The following CDK14 variants were observed in gnomAD, a reference collection of about 807,000 sequenced individuals.
The protein encoded by CDK14 is cyclin dependent kinase 14.
Under a neutral mutation model 60.7 loss-of-function variants are expected in CDK14, and 34 were observed. The ratio of observed to expected loss-of-function variants is 0.56; its 90% CI spans 0.43 to 0.75. The LOEUF is 0.75. Ranked by LOEUF, CDK14 falls within the 30% of genes least tolerant of loss-of-function variation. The pLI, the probability that CDK14 is intolerant of heterozygous loss-of-function variation, is 0.00. For synonymous variants in CDK14, 197 were observed against 203.7 expected (o/e 0.97, Z 0.28); for missense variants, 482 against 564.1 (o/e 0.85, Z 1.47).
At chr7:90,833,404 T>C in intron 5 of CDK14, among the ~76,000 whole-genome samples, 1 of 152,216 alleles carries the variant, frequency 6.6e-6, no homozygotes, top group East Asian at 1.9e-4. Context: ...AACAATCCCA[T>C]TTTTAAAGTT....
chr7:90,897,228 TAAC>T (rs144159476), intron 6 of CDK14, among the ~76,000 whole-genome samples: 108 of 152,246 alleles, frequency 7.1e-4, no homozygotes, highest in African/African-American at 2.5e-3. Context: ...GCAATATAAA[TAAC>T]AAAATATCAA....
At chr7:91,147,117 C>T (rs1341466005) in intron 14 of CDK14, among the ~76,000 whole-genome samples, 1 of 149,264 alleles carries the variant, frequency 6.7e-6, no homozygotes, top group Non-Finnish European at 1.5e-5. Flanking sequence ...TCCAACAGCC[C>T]CACCTCCACT....
chr7:91,030,983 G>C (rs944409182), intron 10 of CDK14, among the ~76,000 whole-genome samples: 5 of 152,204 alleles, frequency 3.3e-5, no homozygotes, highest in Non-Finnish European at 7.3e-5. Context: ...TGATTTCCCT[G>C]GTGGGTGCAT....
At chr7:90,738,955 G>A (rs917351958) in intron 3 of CDK14, among the ~76,000 whole-genome samples, 1 of 150,568 alleles carries the variant, frequency 6.6e-6, no homozygotes, top group African/African-American at 2.4e-5. Context: ...TAAATATTTG[G>A]CATTTGGATT....
intron 11 of CDK14, among the ~76,000 whole-genome samples, chr7:91,069,110 G>T (rs191105869): frequency 1.3e-5 from 2 of 152,226 alleles, no homozygotes; most frequent in Non-Finnish European, 2.9e-5. Context: ...TAATTGCATA[G>T]TGTTTAAAGA....
At chr7:90,927,634 C>T (rs559773318) in intron 8 of CDK14, among the ~76,000 whole-genome samples, 18 of 152,146 alleles carry the variant, frequency 1.2e-4, no homozygotes, top group African/African-American at 2.2e-4. Flanking sequence ...GGTAGGGTGC[C>T]GATTCTGCAG....
At chr7:90,945,642 G>C (rs183239401) in intron 8 of CDK14, among the ~76,000 whole-genome samples, 87 of 152,290 alleles carry the variant, frequency 5.7e-4, no homozygotes, top group African/African-American at 1.9e-3. Context: ...ATGATCATTT[G>C]GTCAGTTTGC....
chr7:90,908,460 A>T (rs1254624100), intron 7 of CDK14, among the ~76,000 whole-genome samples: 1 of 152,186 alleles, frequency 6.6e-6, no homozygotes, highest in South Asian at 2.1e-4. Context: ...AATGCAGACA[A>T]TGATTGGAAG....
chr7:90,772,034 A>T (rs1804804086), intron 4 of CDK14, among the ~76,000 whole-genome samples: 1 of 152,186 alleles, frequency 6.6e-6, no homozygotes, highest in Non-Finnish European at 1.5e-5. Flanking sequence ...GACTTTTGGG[A>T]TAGAGATTTG....
intron 10 of CDK14, among the ~76,000 whole-genome samples, chr7:91,027,329 A>T (rs961241658): frequency 6.6e-6 from 1 of 152,212 alleles, no homozygotes; most frequent in South Asian, 2.1e-4. Context: ...ACTGATTGTA[A>T]TACTGACAAT....
intron 14 of CDK14, among the ~76,000 whole-genome samples, chr7:91,180,846 TG>T (rs1801979262): frequency 6.6e-6 from 1 of 152,200 alleles, no homozygotes; most frequent in Non-Finnish European, 1.5e-5. Flanking sequence ...TTTTTTATTA[TG>T]GAAAATTTTA....
chr7:90,958,377 A>G (rs1471601537), intron 9 of CDK14, among the ~76,000 whole-genome samples: 2 of 152,158 alleles, frequency 1.3e-5, no homozygotes, highest in African/African-American at 2.4e-5. Flanking sequence ...TCAGATAATC[A>G]TACAGATCTG....
At chr7:90,737,147 C>A (rs1229203629) in intron 3 of CDK14, among the ~76,000 whole-genome samples, 2 of 152,166 alleles carry the variant, frequency 1.3e-5, no homozygotes, top group African/African-American at 4.8e-5. Context: ...TTCCTGCCAC[C>A]TCCTCTAACC....
At chr7:90,753,825 A>G (rs1803946302) in intron 4 of CDK14, among the ~76,000 whole-genome samples, 1 of 152,212 alleles carries the variant, frequency 6.6e-6, no homozygotes, top group Admixed American at 6.5e-5. Context: ...CATTATTTCT[A>G]TACACCAGCA....
intron 2 of CDK14, among the ~76,000 whole-genome samples, chr7:90,623,625 T>C (rs935050010): frequency 1.3e-5 from 2 of 152,236 alleles, no homozygotes; most frequent in East Asian, 3.8e-4. Context: ...AGGTTTTTTT[T>C]CAGTGATTTT....
At chr7:90,899,393 G>T (rs1474610200) in intron 7 of CDK14, 40 bp downstream of exon 7, 8 of 1,479,320 alleles carry the variant, frequency 5.4e-6, no homozygotes, top group Non-Finnish European at 7.3e-6. Context: ...TAGCATTCTT[G>T]ATGTGTATTT....
At chr7:90,840,907 TG>T (rs1405096192) in intron 5 of CDK14, among the ~76,000 whole-genome samples, 102 of 12,654 alleles carry the variant, frequency 8.1e-3, no homozygotes, top group African/African-American at 0.033. Context: ...ACTTTTTCAT[TG>T]ACATTGTGTC....
At chr7:91,061,210 C>A (rs932954063) in intron 11 of CDK14, among the ~76,000 whole-genome samples, 3 of 152,122 alleles carry the variant, frequency 2.0e-5, no homozygotes, top group Non-Finnish European at 2.9e-5. Context: ...GAGGCTTGTG[C>A]ATTCGTCATG....
At chr7:90,636,270 T>C (rs1584757523) in intron 2 of CDK14, among the ~76,000 whole-genome samples, 1 of 152,166 alleles carries the variant, frequency 6.6e-6, no homozygotes, top group South Asian at 2.1e-4. Context: ...TGGCTGTGGG[T>C]TTGTCATAGA....
Sources: allele counts gnomAD v4.1 joint callset (sites outside exome capture counted in the v4.1 genomes callset), GRCh38; gene constraint gnomAD v4.1.1; transcripts MANE v1.5; gene names NCBI Gene and HGNC (gene_info 2026-07-23, HGNC 2026-07-21).